Variants in CENPP observed in about 807,000 individuals in gnomAD.
CENPP encodes centromere protein P.
A neutral mutation model predicts 35.6 loss-of-function variants in CENPP; 24 were observed. The observed-to-expected ratio is 0.67, with a 90% confidence interval of 0.49 to 0.95. The LOEUF is 0.95. Ranked by LOEUF, CENPP falls within the 40% of genes least tolerant of loss-of-function variation. The probability of loss-of-function intolerance (pLI) is 0.00; values close to 1 mark genes in which losing one functional copy is unlikely to be tolerated. For synonymous variants in CENPP, 120 were observed against 125.5 expected, an observed-to-expected ratio of 0.96 and a Z score of 0.29; for missense variants, 332 against 345.3, an observed-to-expected ratio of 0.96 and a Z score of 0.31.
chr9:92,616,170 A>C lies in CENPP; in HGVS notation c.*3021A>C. 1 of 725,338 alleles carries C rather than the reference A, an allele frequency of 1.4e-6. No individual in the cohort carries two copies. Among genetic ancestry groups the C allele is most frequent in the Middle Eastern group, 2.4e-4 (1 of 4,128 alleles). The allele number at this position is 725,338 out of a possible 1,614,324, so 44.9% of individuals were successfully genotyped here. Reference sequence around the variant, plus strand: ...AGTATGTTTTTATGTTTTTTCTTTGACTTCTGCAAAGTTAGATAAATCAAT... The same window carrying C: ...AGTATGTTTTTATGTTTTTTCTTTGCCTTCTGCAAAGTTAGATAAATCAAT... On this transcript the variant is annotated 3_prime_UTR_variant, in exon 8 of 8. Transcript: ENST00000375587.
At chr9:92,404,546 G>A in intron 5 of CENPP, 1 of 1,299,656 alleles carries the variant, frequency 7.7e-7, no homozygotes, top group Non-Finnish European at 1.0e-6. Context: ...AGATGTTCAT[G>A]TCTGTGCATT....
At chr9:92,377,462 T>A (rs1170653983) in intron 4 of CENPP, among the ~76,000 whole-genome samples, 1 of 152,182 alleles carries the variant, frequency 6.6e-6, no homozygotes, top group Non-Finnish European at 1.5e-5. Flanking sequence ...GCTAGTAAAG[T>A]AGCATGCTAT....
intron 5 of CENPP, among the ~76,000 whole-genome samples, chr9:92,585,480 C>T (rs1436867072): frequency 6.6e-6 from 1 of 152,128 alleles, no homozygotes; most frequent in Non-Finnish European, 1.5e-5. Context: ...CGTTCATGTG[C>T]AAGTCTTTGT....
At chr9:92,382,349 A>C (rs574611591) in intron 5 of CENPP, among the ~76,000 whole-genome samples, 9 of 152,074 alleles carry the variant, frequency 5.9e-5, no homozygotes, top group Admixed American at 3.3e-4. Context: ...CATCAGCTTA[A>C]ACATTTATCA....
intron 5 of CENPP, among the ~76,000 whole-genome samples, chr9:92,534,221 C>T (rs939983257): frequency 6.6e-6 from 1 of 152,086 alleles, no homozygotes; most frequent in African/African-American, 2.4e-5. Flanking sequence ...GCTGTATATT[C>T]GTGCATTTAT....
rs1030141369 is a variant in CENPP at position 92,566,875 on chromosome 9, A to G, written c.565-44439A>G. Among the ~76,000 whole-genome samples the G allele has an allele frequency of 3.3e-5, 5 of 152,350 alleles. 1 individual carries two copies. Among genetic ancestry groups the G allele is most frequent in the Middle Eastern group, 6.8e-3 (2 of 294 alleles). On this transcript the variant is annotated intron_variant, in intron 5 of 7. Coordinates refer to ENST00000375587, the MANE Select transcript of CENPP (RefSeq NM_001012267.3). ...AACGTGAATATAAACATCTGAGTTC[A>G]ACAAACTCCAAGTAAGAAGAATTCA...
chr9:92,448,273 C>CT (rs980637699), intron 5 of CENPP, among the ~76,000 whole-genome samples: 6,104 of 142,758 alleles, frequency 0.043, 158 homozygotes, highest in Middle Eastern at 0.085. Flanking sequence ...TCTCTTTTTT[C>CT]TTTTTTTTTT....
intron 5 of CENPP, among the ~76,000 whole-genome samples, chr9:92,573,173 G>A (rs1018394850): frequency 1.6e-4 from 25 of 152,154 alleles, no homozygotes; most frequent in Non-Finnish European, 2.9e-4. Context: ...GAGAAGAGGC[G>A]TTCTGATTTT....
chr9:92,529,413 T>C (rs1848608365), intron 5 of CENPP, among the ~76,000 whole-genome samples: 1 of 152,218 alleles, frequency 6.6e-6, no homozygotes, highest in Admixed American at 6.5e-5. Flanking sequence ...CTTTTAAAAC[T>C]TAACATACTG....
chr9:92,550,677 A>G (rs777679103), intron 5 of CENPP, among the ~76,000 whole-genome samples: 3 of 152,156 alleles, frequency 2.0e-5, no homozygotes, highest in African/African-American at 4.8e-5. Flanking sequence ...GTACAAATGA[A>G]GTTTCACATA....
chr9:92,619,344 A>T lies in CENPP; in HGVS notation c.*6195A>T. The T allele has an allele frequency of 1.5e-6, 1 of 652,448 alleles. No individual in the cohort carries two copies. Among genetic ancestry groups the T allele is most frequent in the South Asian group, 1.8e-5 (1 of 56,358 alleles). 40.4% of individuals were successfully genotyped at this position (652,448 alleles called of 1,614,324 possible). ...AGGGCGAGAGTTAGTAAGCCCCATGATGTCACATAGGCCAAGGAAGTTATG... is the reference window on the plus strand; with the variant it reads ...AGGGCGAGAGTTAGTAAGCCCCATGTTGTCACATAGGCCAAGGAAGTTATG... On this transcript the variant is annotated 3_prime_UTR_variant, in exon 8 of 8. Transcript: ENST00000375587.
chr9:92,338,235 C>CT (rs933149783), intron 3 of CENPP, among the ~76,000 whole-genome samples: 20 of 151,932 alleles, frequency 1.3e-4, no homozygotes, highest in African/African-American at 4.8e-4. Flanking sequence ...TTGCTTGAGC[C>CT]TAGGAGGTCA....
chr9:92,569,224 T>C (rs1850072647), intron 5 of CENPP, among the ~76,000 whole-genome samples: 1 of 152,248 alleles, frequency 6.6e-6, no homozygotes, highest in Non-Finnish European at 1.5e-5. Context: ...GTCTAACATT[T>C]AAATCTCTAA....
chr9:92,551,997 T>TG (rs1322351540), intron 5 of CENPP, among the ~76,000 whole-genome samples: 222 of 141,076 alleles, frequency 1.6e-3, no homozygotes, highest in Non-Finnish European at 2.3e-3. Context: ...ATATGTGATA[T>TG]ATATGTGTAT....
chr9:92,439,551 C>T (rs886342928), intron 5 of CENPP, among the ~76,000 whole-genome samples: 2 of 152,122 alleles, frequency 1.3e-5, no homozygotes, highest in African/African-American at 4.8e-5. Flanking sequence ...AGTCACCTGT[C>T]TCTCTGGAGA....
intron 5 of CENPP, chr9:92,464,641 G>C: frequency 1.9e-6 from 1 of 540,326 alleles, no homozygotes. Context: ...AGAATGACAG[G>C]TATAAATGAG....
chr9:92,395,515 G>A lies in CENPP; in HGVS notation c.564+15656G>A, dbSNP rs1293297237. Among the ~76,000 whole-genome samples, 5 of 152,166 alleles carry A rather than the reference G, an allele frequency of 3.3e-5. No homozygotes were observed. The East Asian group carries it at 9.7e-4, about 29-fold the overall frequency. ...TGGACTTAATGCTTTCATTTCTCTT[G>A]GGTAAGTACCTAAGGAGTGGAATGG... On this transcript the variant is annotated intron_variant, in intron 5 of 7. Coordinates refer to ENST00000375587, the MANE Select transcript of CENPP (RefSeq NM_001012267.3).
chr9:92,471,227 C>T (rs1350603604), intron 5 of CENPP, among the ~76,000 whole-genome samples: 6 of 148,532 alleles, frequency 4.0e-5, no homozygotes, highest in African/African-American at 1.5e-4. Context: ...GATGGAGTCT[C>T]GCTCTGTTGC....
In CENPP at chr9:92,614,212, C is replaced by T; in HGVS notation, c.*1063C>T. 1 of 152,682 alleles carries T rather than the reference C, an allele frequency of 6.5e-6. No individual in the cohort carries two copies. 9.5% of individuals were successfully genotyped at this position (152,682 alleles called of 1,614,324 possible). ...GGACTGGGGTTCCCTCACATGTGCA[C>T]TTGAACCCAGGACCCAGCATCCTCC... is the stretch of plus-strand genomic sequence containing the variant. On this transcript the variant is annotated 3_prime_UTR_variant, in exon 8 of 8. Coordinates refer to ENST00000375587, the MANE Select transcript of CENPP (RefSeq NM_001012267.3).
Sources: gnomAD v4.1 joint callset for allele counts (sites outside exome capture counted in the v4.1 genomes callset) on GRCh38, gnomAD v4.1.1 for gene constraint, MANE v1.5 for transcripts, NCBI Gene and HGNC (gene_info 2026-07-23, HGNC 2026-07-21) for gene names.